Variants in PRORP observed in about 807,000 individuals in gnomAD.
PRORP encodes the protein mitochondrial ribonuclease P catalytic subunit.
Under a neutral mutation model 59.4 loss-of-function variants are expected in PRORP, and 51 were observed. The observed-to-expected ratio is 0.86, with a 90% CI of 0.69 to 1.08. The LOEUF is 1.08. Among genes scored for constraint, PRORP ranks in the 50% least tolerant of loss-of-function variants. PRORP has a pLI of 0.00. For synonymous variants in PRORP, 231 were observed against 245.6 expected (o/e 0.94, Z 0.55); for missense variants, 646 against 690.3 (o/e 0.94, Z 0.72).
chr14:35,176,116 C>A (rs2048442958), intron 4 of PRORP, among the ~76,000 whole-genome samples: 1 of 152,102 alleles, frequency 6.6e-6, no homozygotes, highest in Admixed American at 6.6e-5. Context: ...GTTTTGGTAC[C>A]AGTACCATGC....
At chr14:35,211,550 TAA>T (rs1401645654) in intron 5 of PRORP, among the ~76,000 whole-genome samples, 5 of 152,204 alleles carry the variant, frequency 3.3e-5, no homozygotes. Flanking sequence ...ACCACTGCAA[TAA>T]AAAGTCACAC....
intron 5 of PRORP, among the ~76,000 whole-genome samples, chr14:35,185,382 G>T (rs1167747920): frequency 6.6e-6 from 1 of 151,920 alleles, no homozygotes; most frequent in Non-Finnish European, 1.5e-5. Flanking sequence ...TTTTTCTCTT[G>T]TAAATTTGTA....
chr14:35,122,209 G>T, upstream of PRORP: 2 of 510,862 alleles, frequency 3.9e-6, no homozygotes, highest in Non-Finnish European at 7.1e-6. Flanking sequence ...CTTCAGAGGC[G>T]ACCCAAGCTC....
In PRORP at chr14:35,141,228, CTTCT is replaced by C. The variant is rs2047473332; in HGVS notation, c.1167+13620_1167+13623del. The stretch of plus-strand genomic sequence containing the variant: ...TTAGGTTTTTTTCTTATTTTCCTTC[CTTCT>C]TTTTCTTTTTTTTTTTGTTTTTGTT... On this transcript the variant is annotated intron_variant, in intron 4 of 7. Transcript: ENST00000534898. 3.5e-5 allele frequency among the ~76,000 whole-genome samples: 5 copies of C among 142,718 alleles called. 1 individual carries two copies. The highest frequency in any genetic ancestry group is 2.9e-4 in the Admixed American group (4 of 13,642). 93.6% of individuals were successfully genotyped at this position (142,718 alleles called of 152,430 possible).
chr14:35,214,709 C>T (rs1286154160), intron 5 of PRORP, among the ~76,000 whole-genome samples: 1 of 152,154 alleles, frequency 6.6e-6, no homozygotes, highest in African/African-American at 2.4e-5. Context: ...GAGTTCGAGA[C>T]CAGCCTGGCC....
chr14:35,151,677 CAG>C lies in PRORP; in HGVS notation c.1167+24069_1167+24070del, dbSNP rs144331570. Among the ~76,000 whole-genome samples the C allele has an allele frequency of 2.8e-5, 4 of 142,402 alleles. No homozygotes were observed. The East Asian group carries it at 6.2e-4, about 22-fold the overall frequency. 93.4% of individuals were successfully genotyped at this position (142,402 alleles called of 152,430 possible). The stretch of plus-strand genomic sequence containing the variant: ...ACACACACACACACACACACACACA[CAG>C]AGCTTTTACTATATATCTTTTCTCT... On this transcript the variant is annotated intron_variant, in intron 4 of 7. Transcript: ENST00000534898.
At chr14:35,189,734 T>C (rs1025476269) in intron 5 of PRORP, among the ~76,000 whole-genome samples, 4 of 152,206 alleles carry the variant, frequency 2.6e-5, no homozygotes, top group Non-Finnish European at 5.9e-5. Flanking sequence ...CGTGCATGAC[T>C]CTTTTCATTA....
intron 4 of PRORP, among the ~76,000 whole-genome samples, chr14:35,148,801 A>G (rs560300854): frequency 6.6e-6 from 1 of 151,924 alleles, no homozygotes; most frequent in South Asian, 2.1e-4. Flanking sequence ...AGCTTGCTGC[A>G]GCTTCTACAT....
At chr14:35,266,053 C>T (rs1168250697) in intron 5 of PRORP, among the ~76,000 whole-genome samples, 3 of 151,158 alleles carry the variant, frequency 2.0e-5, no homozygotes, top group Non-Finnish European at 2.9e-5. Context: ...CATGGTGGCT[C>T]ATGCCTGTAA....
intron 4 of PRORP, among the ~76,000 whole-genome samples, chr14:35,134,875 G>A (rs1268637590): frequency 2.0e-5 from 3 of 152,146 alleles, no homozygotes; most frequent in African/African-American, 7.2e-5. Flanking sequence ...CAATCCTTGT[G>A]GCTTAGACTG....
At chr14:35,196,660 G>A (rs2049016967) in intron 5 of PRORP, among the ~76,000 whole-genome samples, 1 of 152,106 alleles carries the variant, frequency 6.6e-6, no homozygotes, top group African/African-American at 2.4e-5. Context: ...ACAAAAGAAT[G>A]GTTCTTGGGT....
chr14:35,122,073 A>T (rs1298391402), upstream of PRORP: 2 of 1,121,086 alleles, frequency 1.8e-6, no homozygotes, highest in Non-Finnish European at 2.7e-6. Flanking sequence ...CCGTCCAACC[A>T]CCATCTTGAT....
chr14:35,175,203 A>G (rs2048417060), intron 4 of PRORP, among the ~76,000 whole-genome samples: 1 of 152,078 alleles, frequency 6.6e-6, no homozygotes, highest in Admixed American at 6.6e-5. Context: ...CAATAAACAT[A>G]CATGTGCATG....
chr14:35,180,553 T>TGTGTGTGTGTGTG (rs1555325955), intron 4 of PRORP, 117 bp from the exon 5 acceptor site: 31 of 624,178 alleles, frequency 5.0e-5, no homozygotes, highest in Middle Eastern at 4.3e-4. Context: ...TGTGTGTGTA[T>TGTGTGTGTGTGTG]TTTTAAGGGA....
chr14:35,229,768 GTTCT>G (rs1566511706), intron 5 of PRORP, among the ~76,000 whole-genome samples: 1 of 152,078 alleles, frequency 6.6e-6, no homozygotes, highest in Non-Finnish European at 1.5e-5. Context: ...TAATTGACAT[GTTCT>G]TTGTCAATTT....
intron 5 of PRORP, among the ~76,000 whole-genome samples, chr14:35,197,611 T>C (rs552718286): frequency 6.6e-6 from 1 of 152,296 alleles, no homozygotes; most frequent in African/African-American, 2.4e-5. Context: ...AGATCTTAGA[T>C]TTCTTTTGCA....
intron 4 of PRORP, among the ~76,000 whole-genome samples, chr14:35,135,917 C>T (rs2047360424): frequency 6.7e-6 from 1 of 148,566 alleles, no homozygotes. Flanking sequence ...GAGATCATGC[C>T]ACTGCACTCC....
rs1359530113 is a variant in PRORP, at chr14:35,266,766, C to T, written c.1315C>T (p.Arg439Ter). 6.2e-6 allele frequency: 10 copies of T among 1,613,944 alleles called. No homozygotes were observed. Among genetic ancestry groups the T allele is most frequent in the Admixed American group, 3.3e-5 (2 of 59,976 alleles). ...CTCTCAACTAGCCAAACGGAATCTG[C>T]GACTGCTGGTCCTAGGCCGGAAGCA... ...VVSQLAKRNL[R>*]LLVLGRKHML... The change falls in exon 6 of 8, where the codon CGA becomes TGA. Residue 439 changes from arginine (R) to a stop codon, truncating the protein, a stop_gained. Coordinates refer to ENST00000534898, the MANE Select transcript of PRORP (RefSeq NM_014672.4). LOFTEE classifies it high-confidence loss of function.
intron 5 of PRORP, among the ~76,000 whole-genome samples, chr14:35,184,700 G>T (rs1342204724): frequency 6.6e-6 from 1 of 152,046 alleles, no homozygotes; most frequent in East Asian, 1.9e-4. Flanking sequence ...GTAGACCCCA[G>T]TGTCTGTTGT....
Sources: allele counts gnomAD v4.1 joint callset (sites outside exome capture counted in the v4.1 genomes callset), GRCh38; gene constraint gnomAD v4.1.1; transcripts MANE v1.5; gene names NCBI Gene and HGNC (gene_info 2026-07-23, HGNC 2026-07-21).